RANBP3: variants seen among roughly 807,000 people sequenced by gnomAD.
The protein encoded by RANBP3 is RAN binding protein 3, also known as ran-binding protein 3.
In RANBP3, 14 loss-of-function variants were observed where a neutral mutation model predicts 77.3. The observed-to-expected ratio is 0.18, with a 90% confidence interval of 0.12 to 0.28. The LOEUF (loss-of-function observed/expected upper bound fraction) is 0.28. RANBP3 is among the 10% of genes least tolerant of loss of function. The pLI, the probability that RANBP3 is intolerant of heterozygous loss-of-function variation, is 1.00. For missense variants in RANBP3, 586 were observed against 752.3 expected, an observed-to-expected ratio of 0.78 and a Z score of 2.59; for synonymous variants, 315 against 312.4, an observed-to-expected ratio of 1.01 and a Z score of -0.09.
intron 3 of RANBP3, among the ~76,000 whole-genome samples, 200 bp downstream of exon 3, chr19:5,951,193 G>C (rs989064778): frequency 2.6e-5 from 4 of 152,192 alleles, no homozygotes; most frequent in Non-Finnish European, 5.9e-5. Flanking sequence ...TTTAGAAAAG[G>C]CTAAAAGGGG....
intron 2 of RANBP3, among the ~76,000 whole-genome samples, chr19:5,955,386 G>A (rs1210635154): frequency 1.3e-5 from 2 of 152,132 alleles, no homozygotes; most frequent in Middle Eastern, 3.2e-3. Flanking sequence ...TTACAGGTGT[G>A]AGCCACCGTG....
chr19:5,928,145 C>A, intron 8 of RANBP3, 58 bp from the exon 9 acceptor site: 2 of 1,567,464 alleles, frequency 1.3e-6, no homozygotes, highest in Non-Finnish European at 1.7e-6. Flanking sequence ...TTGGCCCAGA[C>A]GGATGCCCAG....
intron 3 of RANBP3, among the ~76,000 whole-genome samples, chr19:5,947,130 A>G (rs1360771901): frequency 6.6e-6 from 1 of 152,092 alleles, no homozygotes; most frequent in Non-Finnish European, 1.5e-5. Context: ...CCTGGCCAAC[A>G]TGGAGAAACC....
Position 5,958,973 on chromosome 19 carries a change from C to T in RANBP3, c.23-1000G>A, listed in dbSNP as rs1299416445. Among the ~76,000 whole-genome samples, 4 of 152,232 alleles carry T rather than the reference C, an allele frequency of 2.6e-5. No homozygotes were observed. The highest frequency in any genetic ancestry group is 2.0e-4 in the Admixed American group (3 of 15,292). ...CCTGCCTTCGCAGGCCCCCCGACCC[C>T]GGTCGTGGGGAGCCAGGCATTACCC... On this transcript the variant is annotated intron_variant, in intron 1 of 16. Coordinates refer to ENST00000340578, the MANE Select transcript of RANBP3 (RefSeq NM_007322.3). The surrounding 1 kb of genome is among the most constrained non-coding windows in gnomAD (Gnocchi z 4.4).
At chr19:5,935,860 C>G (rs1359463669) in intron 5 of RANBP3, 1 of 455,474 alleles carries the variant, frequency 2.2e-6, no homozygotes, top group African/African-American at 2.0e-5. Context: ...GGTCGCAACA[C>G]AAGCTGCTGA....
Position 5,917,831 on chromosome 19 carries a change from ATCGTCGCTG to A in RANBP3, c.1614_1622del (p.Ser539_Asp541del). 1 of 1,612,524 alleles carries A rather than the reference ATCGTCGCTG, an allele frequency of 6.2e-7. No individual in the cohort carries two copies. Among genetic ancestry groups the A allele is most frequent in the Non-Finnish European group, 8.5e-7 (1 of 1,179,706 alleles). On this transcript the variant is annotated inframe_deletion, in exon 16 of 17. Transcript: ENST00000340578. ...CCCCTGAAGGAGCCAGGACATCGTC[ATCGTCGCTG>A]TCGTCCTCCTCGTTGGATGGGGCTG... is the stretch of plus-strand genomic sequence containing the variant.
intron 1 of RANBP3, among the ~76,000 whole-genome samples, chr19:5,973,974 T>C (rs1249286887): frequency 2.0e-5 from 3 of 152,202 alleles, no homozygotes; most frequent in African/African-American, 2.4e-5. Flanking sequence ...CCAAAGCCTG[T>C]GTCCCCACCA....
chr19:5,929,073 G>A (rs1235292696), intron 8 of RANBP3, among the ~76,000 whole-genome samples: 1 of 152,202 alleles, frequency 6.6e-6, no homozygotes, highest in Non-Finnish European at 1.5e-5. Context: ...TGTCCAGCGG[G>A]CAGGGAAGCC....
intron 9 of RANBP3, among the ~76,000 whole-genome samples, chr19:5,927,152 C>T (rs1055576138): frequency 5.3e-5 from 8 of 152,112 alleles, no homozygotes; most frequent in Non-Finnish European, 2.9e-5. Context: ...CTAGAGATGC[C>T]GTAGCACATT....
chr19:5,960,292 G>A (rs991506505), intron 1 of RANBP3, among the ~76,000 whole-genome samples: 1 of 152,166 alleles, frequency 6.6e-6, no homozygotes, highest in African/African-American at 2.4e-5. Context: ...GCCCCTTGTC[G>A]CTAACAGACT....
chr19:5,954,241 G>A (rs990452292), intron 2 of RANBP3, among the ~76,000 whole-genome samples: 46 of 152,226 alleles, frequency 3.0e-4, no homozygotes, highest in African/African-American at 7.2e-5. Flanking sequence ...CTGAGATCTC[G>A]TTTACTGAAA....
intron 1 of RANBP3, among the ~76,000 whole-genome samples, chr19:5,965,300 C>G (rs525452): frequency 0.043 from 6,483 of 152,022 alleles, 482 homozygotes; most frequent in African/African-American, 0.15. Context: ...GGGAAAGGGC[C>G]CAGATACTGC....
Position 5,941,854 on chromosome 19 carries a change from A to C in RANBP3, c.283-19T>G, listed in dbSNP as rs373143911. On this transcript the variant is annotated intron_variant, in intron 3 of 16. Transcript: ENST00000340578. The stretch of plus-strand genomic sequence containing the variant: ...CTGACCTCTGAAACAAGGAGCACAC[A>C]GCCGGGGTCAGAGGGCATCAGGCTC... The C allele has an allele frequency of 1.9e-6, 3 of 1,611,966 alleles. No homozygotes were observed. Among genetic ancestry groups the C allele is most frequent in the Non-Finnish European group, 2.5e-6 (3 of 1,180,014 alleles).
chr19:5,961,070 C>T (rs529777638), intron 1 of RANBP3, among the ~76,000 whole-genome samples: 1 of 152,218 alleles, frequency 6.6e-6, no homozygotes, highest in South Asian at 2.1e-4. Flanking sequence ...CCCTCCTTTC[C>T]TTCTCTGCCT....
At chr19:5,918,393 T>TCCCCCCC (rs2057772430) in intron 15 of RANBP3, 103 bp downstream of exon 15, 1 of 142,918 alleles carries the variant, frequency 7.0e-6, no homozygotes, top group African/African-American at 3.6e-5. Context: ...CTGAAGCCCC[T>TCCCCCCC]CCCCCCTCCC....
At chr19:5,939,470 AC>A (rs1353391310) in intron 5 of RANBP3, among the ~76,000 whole-genome samples, 1 of 151,910 alleles carries the variant, frequency 6.6e-6, no homozygotes, top group African/African-American at 2.4e-5. Flanking sequence ...TCCCAGGAGA[AC>A]CCCCAGGCCG....
intron 9 of RANBP3, among the ~76,000 whole-genome samples, chr19:5,927,339 C>T (rs2057925383): frequency 6.6e-6 from 1 of 152,144 alleles, no homozygotes. Context: ...TGCTCCCTTT[C>T]AGGAGAGAAG....
intron 3 of RANBP3, among the ~76,000 whole-genome samples, chr19:5,948,973 T>C (rs192150379): frequency 3.9e-5 from 6 of 152,314 alleles, no homozygotes; most frequent in Admixed American, 3.3e-4. Context: ...AAGTCTGATA[T>C]ATAGAGACTT....
chr19:5,918,945 C>CCA (rs2057781714), intron 14 of RANBP3, among the ~76,000 whole-genome samples: 2 of 152,224 alleles, frequency 1.3e-5, no homozygotes, highest in African/African-American at 4.8e-5. Flanking sequence ...TGTGTTTGGT[C>CCA]CACACAGGTG....
Sources: gnomAD v4.1 joint callset for allele counts (sites outside exome capture counted in the v4.1 genomes callset) on GRCh38, gnomAD v4.1.1 for gene constraint, Gnocchi (gnomAD v3.1) non-coding constraint, MANE v1.5 for transcripts, NCBI Gene and HGNC (gene_info 2026-07-23, HGNC 2026-07-21) for gene names.